The following LNX1 variants were observed in gnomAD, a reference collection of about 807,000 sequenced individuals.
LNX1 encodes ligand of numb-protein X 1.
A neutral mutation model predicts 68.4 loss-of-function variants in LNX1; 54 were observed. That is an observed-to-expected ratio of 0.79 (90% CI 0.63 to 0.99). The LOEUF (loss-of-function observed/expected upper bound fraction) is 0.99. Ranked by LOEUF, LNX1 falls within the 50% of genes least tolerant of loss-of-function variation. LNX1 has a pLI of 0.00. For synonymous variants in LNX1, 336 were observed against 350.0 expected, an observed-to-expected ratio of 0.96 and a Z score of 0.45; for missense variants, 906 against 926.4, an observed-to-expected ratio of 0.98 and a Z score of 0.29.
chr4:53,567,097 G>C (rs1226200330), intron 2 of LNX1, among the ~76,000 whole-genome samples: 3 of 143,228 alleles, frequency 2.1e-5, no homozygotes, highest in African/African-American at 5.2e-5. Flanking sequence ...GAGACAGAAA[G>C]TCAACAAGGA....
At chr4:53,531,958 C>T (rs866486872) in intron 2 of LNX1, among the ~76,000 whole-genome samples, 6 of 152,300 alleles carry the variant, frequency 3.9e-5, no homozygotes, top group Middle Eastern at 6.8e-3. Context: ...AAACCACTTG[C>T]TACTTCAGTT....
chr4:53,626,287 G>T (rs1331372851), intron 1 of LNX1, among the ~76,000 whole-genome samples: 1 of 151,960 alleles, frequency 6.6e-6, no homozygotes, highest in Non-Finnish European at 1.5e-5. Flanking sequence ...TTCTTTTTGG[G>T]GTCATAAAAA....
intron 6 of LNX1, among the ~76,000 whole-genome samples, chr4:53,488,170 A>G (rs1482412565): frequency 2.0e-5 from 3 of 152,184 alleles, no homozygotes; most frequent in Admixed American, 6.5e-5. Context: ...ATGCTTCAGT[A>G]CCCCCAATGA....
At position 53,550,383 on chromosome 4, in the gene LNX1, G is replaced by A. The variant is rs113693300; in HGVS notation, c.380+23240C>T. Reference sequence around the variant, plus strand: ...GTAAACTCTACCTCCTTCCTTCCAGGTCCTCGTCCAAATTCTACTTCAGAT... The same window carrying A: ...GTAAACTCTACCTCCTTCCTTCCAGATCCTCGTCCAAATTCTACTTCAGAT... On this transcript the variant is annotated intron_variant, in intron 2 of 10. Transcript: ENST00000263925. Among the ~76,000 whole-genome samples, 307 of 152,196 alleles carry A rather than the reference G, an allele frequency of 2.0e-3. 3 individuals are homozygous for A. Among genetic ancestry groups the A allele is most frequent in the African/African-American group, 7.0e-3 (291 of 41,528 alleles).
chr4:53,602,727 G>A (rs765143192), intron 2 of LNX1: 5 of 152,258 alleles, frequency 3.3e-5, no homozygotes, highest in African/African-American at 7.2e-5. Context: ...TGAAAAACAC[G>A]TGTTGGGTGA....
chr4:53,557,623 C>G (rs1388792167), intron 2 of LNX1, among the ~76,000 whole-genome samples: 1 of 151,398 alleles, frequency 6.6e-6, no homozygotes, highest in African/African-American at 2.4e-5. Context: ...CCCAAAAAAG[C>G]AGCACTGACA....
intron 2 of LNX1, among the ~76,000 whole-genome samples, chr4:53,525,337 C>T (rs1285956982): frequency 6.6e-6 from 1 of 152,138 alleles, no homozygotes; most frequent in Non-Finnish European, 1.5e-5. Flanking sequence ...CAGAAGTTAG[C>T]TGAGTGTGGT....
At chr4:53,628,069 G>A (rs1734141181) in intron 1 of LNX1, among the ~76,000 whole-genome samples, 1 of 152,198 alleles carries the variant, frequency 6.6e-6, no homozygotes, top group Non-Finnish European at 1.5e-5. Context: ...AAATTTTCAA[G>A]TGGGAGTGAA....
At position 53,496,231 on chromosome 4, in the gene LNX1, T is replaced by C. The variant is rs765400353; in HGVS notation, c.1142A>G (p.His381Arg). ...DAYRPRDDSF[H>R]VILNKSSPEE... ...GGGGCTACTTTTGTTGAGAATCACA[T>C]GAAAGCTGTCATCTCGGGGTCTGTA... is the stretch of plus-strand genomic sequence containing the variant. The change falls in exon 6 of 11, where the codon CAT becomes CGT. Residue 381 changes from histidine to arginine, a missense_variant. By Grantham distance (29) the His-to-Arg change is conservative (BLOSUM62 0). Coordinates refer to ENST00000263925, the MANE Select transcript of LNX1 (RefSeq NM_001126328.3). 4.8e-5 allele frequency: 78 copies of C among 1,614,056 alleles called. No homozygotes were observed. The highest frequency in any genetic ancestry group is 6.4e-5 in the Non-Finnish European group (75 of 1,180,040).
chr4:53,549,686 A>G (rs1447133007), intron 2 of LNX1: 1 of 152,170 alleles, frequency 6.6e-6, no homozygotes, highest in Non-Finnish European at 1.5e-5. Context: ...AAAAACAGTT[A>G]AAGGAGATAT....
intron 6 of LNX1, among the ~76,000 whole-genome samples, chr4:53,487,465 T>A (rs1724384004): frequency 6.6e-6 from 1 of 152,200 alleles, no homozygotes; most frequent in African/African-American, 2.4e-5. Flanking sequence ...TTATTGTGTT[T>A]CTTGTATCAG....
chr4:53,468,410 G>T (rs1332846408), intron 9 of LNX1, among the ~76,000 whole-genome samples: 1 of 152,122 alleles, frequency 6.6e-6, no homozygotes, highest in Non-Finnish European at 1.5e-5. Context: ...AAAGACCATC[G>T]AGGCTAAGAA....
chr4:53,516,107 T>C (rs1414988029), intron 2 of LNX1, among the ~76,000 whole-genome samples: 2 of 152,136 alleles, frequency 1.3e-5, no homozygotes, highest in Admixed American at 6.5e-5. Flanking sequence ...CTGGGCATGA[T>C]GGTGCATGCT....
chr4:53,478,276 T>C (rs1214402309), intron 8 of LNX1, among the ~76,000 whole-genome samples: 7 of 152,164 alleles, frequency 4.6e-5, no homozygotes, highest in Non-Finnish European at 7.3e-5. Context: ...GGAACTACAT[T>C]ATGCCATTTA....
chr4:53,494,298 C>T (rs1408716768), intron 6 of LNX1, among the ~76,000 whole-genome samples: 2 of 152,206 alleles, frequency 1.3e-5, no homozygotes, highest in African/African-American at 4.8e-5. Context: ...TCACCTTCTG[C>T]CATGATTGTG....
At chr4:53,578,988 T>A (rs991929326) in intron 1 of LNX1, among the ~76,000 whole-genome samples, 1 of 151,818 alleles carries the variant, frequency 6.6e-6, no homozygotes, top group Admixed American at 6.7e-5. Context: ...ATGTATGATG[T>A]ATCACGTTTT....
At chr4:53,595,251 G>C (rs1732697931), upstream of LNX1, among the ~76,000 whole-genome samples, 7 of 152,144 alleles carry the variant, frequency 4.6e-5, no homozygotes, top group Admixed American at 4.6e-4. Flanking sequence ...TGTGGTGGGG[G>C]AGAAGAGGAA....
At chr4:53,541,641 G>A (rs1044730863) in intron 2 of LNX1, among the ~76,000 whole-genome samples, 8 of 151,918 alleles carry the variant, frequency 5.3e-5, no homozygotes, top group African/African-American at 9.7e-5. Flanking sequence ...CCAAGAAAAC[G>A]GACTGTTTCA....
At chr4:53,524,171 A>G (rs780049322) in intron 2 of LNX1, 5 of 152,022 alleles carry the variant, frequency 3.3e-5, no homozygotes, top group African/African-American at 1.2e-4. Flanking sequence ...TTATATATAT[A>G]TTTTTTCTCT....
Sources: allele counts gnomAD v4.1 joint callset (sites outside exome capture counted in the v4.1 genomes callset), GRCh38; gene constraint gnomAD v4.1.1; transcripts MANE v1.5; gene names NCBI Gene and HGNC (gene_info 2026-07-23, HGNC 2026-07-21).